The following NMUR2 variants were observed in gnomAD, a reference collection of about 807,000 sequenced individuals.
NMUR2 encodes the protein neuromedin-U receptor 2.
A neutral mutation model predicts 25.1 loss-of-function variants in NMUR2; 24 were observed. That is an observed-to-expected ratio of 0.96 (90% CI 0.69 to 1.34). NMUR2 has a LOEUF of 1.34. NMUR2 is among the 40% of genes most tolerant of loss of function. The pLI is 0.00. For missense variants in NMUR2, 533 were observed against 512.8 expected (o/e 1.04, Z -0.38); for synonymous variants, 218 against 208.1 (o/e 1.05, Z -0.41).
At position 152,404,940 on chromosome 5, in the gene NMUR2, C is replaced by T; in HGVS notation, c.174G>A (p.Val58=). Residue 58 remains valine, a synonymous_variant, in exon 1 of 4, where the codon GTG becomes GTA. Coordinates refer to ENST00000255262, the MANE Select transcript of NMUR2 (RefSeq NM_020167.5). The part of the protein sequence containing the change: ...VSVVYVPIFV[V]GVIGNVLVCL... Reference sequence around the variant, plus strand: ...ACACCAGGACATTGCCAATGACCCCCACCACAAAAATTGGCACATACACCA... The same window carrying T: ...ACACCAGGACATTGCCAATGACCCCTACCACAAAAATTGGCACATACACCA... 2 of 1,613,998 alleles carry T rather than the reference C, an allele frequency of 1.2e-6. No individual in the cohort carries two copies. Among genetic ancestry groups the T allele is most frequent in the Non-Finnish European group, 1.7e-6 (2 of 1,179,976 alleles).
Position 152,395,505 on chromosome 5 carries a change from C to A in NMUR2, c.891G>T (p.Trp297Cys), listed in dbSNP as rs1372818327. 4 of 1,613,478 alleles carry A rather than the reference C, an allele frequency of 2.5e-6. No homozygotes were observed. The highest frequency in any genetic ancestry group is 3.4e-6 in the Non-Finnish European group (4 of 1,179,776). The change falls in exon 3 of 4, where the codon TGG becomes TGT. Residue 297 changes from tryptophan to cysteine, a missense_variant. Trp to Cys is a radical substitution (Grantham distance 215). Coordinates refer to ENST00000255262, the MANE Select transcript of NMUR2 (RefSeq NM_020167.5). ...DRLFFSFVEE[W>C]SESLAAVFNL... ...TGAACACAGCAGCCAGGGATTCACT[C>A]CACTCCTCCACAAAGCTGAAGAAGA...
In NMUR2 at chr5:152,405,169, G is replaced by T; in HGVS notation, c.-56C>A. On this transcript the variant is annotated 5_prime_UTR_variant, in exon 1 of 4. The change creates a new upstream start codon in the 5' untranslated region. Transcript: ENST00000255262. ...CGAGGCTCTGTTTCAAGCTGAGCCA[G>T]GAAAAAAAAAAAAAAAAGAAAAAAG... is the stretch of plus-strand genomic sequence containing the variant. 4.2e-6 allele frequency: 5 copies of T among 1,202,308 alleles called. No individual in the cohort carries two copies. Among genetic ancestry groups the T allele is most frequent in the Non-Finnish European group, 4.4e-6 (4 of 919,378 alleles). 74.5% of individuals were successfully genotyped at this position (1,202,308 alleles called of 1,614,324 possible). A position where few individuals can be genotyped will look rare whatever the true frequency, so the allele number is the denominator to read the frequency against.
intron 1 of NMUR2, among the ~76,000 whole-genome samples, chr5:152,402,975 T>C (rs1215354286): frequency 2.6e-5 from 4 of 152,298 alleles, no homozygotes; most frequent in South Asian, 4.1e-4. Context: ...AGGACTACCA[T>C]TGGGCACTCG....
intron 3 of NMUR2, among the ~76,000 whole-genome samples, chr5:152,393,768 G>A (rs544662985): frequency 1.3e-5 from 2 of 152,214 alleles, no homozygotes; most frequent in East Asian, 3.9e-4. Context: ...TTTAGTGGGG[G>A]GTGATTGAAC....
chr5:152,404,343 A>T (rs1230813263), intron 1 of NMUR2, 45 bp downstream of exon 1: 2 of 1,537,476 alleles, frequency 1.3e-6, no homozygotes, highest in Non-Finnish European at 1.7e-6. Flanking sequence ...AGCCTGTGAA[A>T]AAAGAAGGGA....
rs762638405 is a variant in NMUR2, at chr5:152,404,636, G to A, written c.478C>T (p.Arg160Trp). 2.5e-6 allele frequency: 4 copies of A among 1,614,110 alleles called. No homozygotes were observed. Among genetic ancestry groups the A allele is most frequent in the South Asian group, 1.1e-5 (1 of 91,080 alleles). The change falls in exon 1 of 4, where the codon CGG becomes TGG. Residue 160 changes from arginine to tryptophan, a missense_variant. By Grantham distance (101) the Arg-to-Trp change is moderately radical (BLOSUM62 -3). Coordinates refer to ENST00000255262, the MANE Select transcript of NMUR2 (RefSeq NM_020167.5). ...HPFRAKLQST[R>W]RRALRILGIV... ...CCGAGGATCCTGAGGGCCCGGCGCC[G>A]GGTGCTCTGCAGTTTGGCGCGGAAC...
intron 1 of NMUR2, among the ~76,000 whole-genome samples, chr5:152,398,683 C>T (rs896023831): frequency 3.9e-5 from 6 of 152,118 alleles, no homozygotes; most frequent in Admixed American, 6.5e-5. Context: ...TAGCTCCCCT[C>T]TACCTTCCAC....
At chr5:152,394,474 G>A (rs527940910) in intron 3 of NMUR2, among the ~76,000 whole-genome samples, 2 of 152,286 alleles carry the variant, frequency 1.3e-5, no homozygotes, top group African/African-American at 4.8e-5. Context: ...TGAGCCCATA[G>A]AATCAGCCGG....
In NMUR2 at chr5:152,396,891, A is replaced by AAAC. The variant is rs200035593; in HGVS notation, c.811+1166_811+1168dup. Among the ~76,000 whole-genome samples the AAAC allele has an allele frequency of 8.8e-3, 1,343 of 152,108 alleles. 64 individuals carry two copies. Among genetic ancestry groups the AAAC allele is most frequent in the Admixed American group, 0.068 (1,036 of 15,264 alleles). On this transcript the variant is annotated intron_variant, in intron 2 of 3. Coordinates refer to ENST00000255262, the MANE Select transcript of NMUR2 (RefSeq NM_020167.5). Reference sequence around the variant, plus strand: ...GCAACAGGGCAAGACTCCATCTCAAAAACAACAACAACAACAGCAACAACA... The same window carrying AAAC: ...GCAACAGGGCAAGACTCCATCTCAAAAACAACAACAACAACAACAGCAACAACA...
chr5:152,394,009 A>C (rs1753106602), intron 3 of NMUR2, among the ~76,000 whole-genome samples: 1 of 150,778 alleles, frequency 6.6e-6, no homozygotes, highest in African/African-American at 2.4e-5. Flanking sequence ...TGTAGGGTTT[A>C]AGAGATTTAG....
chr5:152,394,055 G>A (rs1753108076), intron 3 of NMUR2, among the ~76,000 whole-genome samples: 1 of 151,890 alleles, frequency 6.6e-6, no homozygotes, highest in East Asian at 1.9e-4. Flanking sequence ...GGGGGGAGAT[G>A]GTATCTGAAC....
intron 1 of NMUR2, among the ~76,000 whole-genome samples, chr5:152,399,549 A>AT (rs1180778290): frequency 2.6e-5 from 4 of 151,952 alleles, no homozygotes; most frequent in Non-Finnish European, 5.9e-5. Context: ...TACAAACGTT[A>AT]TTTTTTTTCC....
rs1753068977 is a variant in NMUR2, at chr5:152,392,051, T to TC, written c.*139_*140insG. 2 of 716,156 alleles carry TC rather than the reference T, an allele frequency of 2.8e-6. No homozygotes were observed. The highest frequency in any genetic ancestry group is 3.7e-5 in the African/African-American group (2 of 54,544). The allele number at this position is 716,156 out of a possible 1,614,324, so 44.4% of individuals were successfully genotyped here. A position where few individuals can be genotyped will look rare whatever the true frequency, so the allele number is the denominator to read the frequency against. On this transcript the variant is annotated 3_prime_UTR_variant, in exon 4 of 4. Coordinates refer to ENST00000255262, the MANE Select transcript of NMUR2 (RefSeq NM_020167.5). ...ATCTAACTCTCAGTTTTCACGTTTA[T>TC]TAAAAAAAAAAAAACTAGCAATGGG...
chr5:152,395,672 G>T, intron 2 of NMUR2, 88 bp from the exon 3 acceptor site: 1 of 1,474,400 alleles, frequency 6.8e-7, no homozygotes, highest in South Asian at 1.3e-5. Flanking sequence ...CATTTCTTCT[G>T]GCAGTTTTTC....
At chr5:152,398,504 A>T (rs1340591801) in intron 1 of NMUR2, among the ~76,000 whole-genome samples, 1 of 152,232 alleles carries the variant, frequency 6.6e-6, no homozygotes, top group Admixed American at 6.5e-5. Flanking sequence ...CATAATTATT[A>T]GAAATCTGTT....
chr5:152,395,658 C>A, intron 2 of NMUR2, 74 bp from the exon 3 acceptor site: 3 of 1,524,402 alleles, frequency 2.0e-6, no homozygotes, highest in South Asian at 1.2e-5. Context: ...CACTCTGAGT[C>A]AATCATTTCT....
At chr5:152,401,226 T>A (rs779730930) in intron 1 of NMUR2, among the ~76,000 whole-genome samples, 8 of 152,194 alleles carry the variant, frequency 5.3e-5, no homozygotes, top group Non-Finnish European at 8.8e-5. Context: ...ACAACTCAGG[T>A]TACAAAAGGA....
chr5:152,397,929 T>C (rs1753187072), intron 2 of NMUR2, 131 bp downstream of exon 2: 1 of 618,644 alleles, frequency 1.6e-6, no homozygotes, highest in African/African-American at 1.9e-5. Flanking sequence ...CTCCTTGATC[T>C]TAATCTACTC....
intron 1 of NMUR2, among the ~76,000 whole-genome samples, chr5:152,401,046 T>C (rs1281126563): frequency 6.6e-6 from 1 of 152,186 alleles, no homozygotes; most frequent in Non-Finnish European, 1.5e-5. Flanking sequence ...TGGTGTACAT[T>C]GTTCCAACAG....
Sources: gnomAD v4.1 joint callset for allele counts (sites outside exome capture counted in the v4.1 genomes callset) on GRCh38, gnomAD v4.1.1 for gene constraint, MANE v1.5 for transcripts, NCBI Gene and HGNC (gene_info 2026-07-23, HGNC 2026-07-21) for gene names.